The following CCDC169 variants were observed in gnomAD, a reference collection of about 807,000 sequenced individuals.
The protein encoded by CCDC169 is coiled-coil domain-containing protein 169.
CCDC169 carries 30 observed loss-of-function variants against 36.0 expected under a neutral mutation model. The ratio of observed to expected loss-of-function variants is 0.83; its 90% CI spans 0.62 to 1.13. The LOEUF (loss-of-function observed/expected upper bound fraction) is 1.13, where lower values mean the gene tolerates loss of function less well. CCDC169 is among the 50% of genes most tolerant of loss of function. The pLI is 0.00. For missense variants in CCDC169, 245 were observed against 245.9 expected (o/e 1.00, Z 0.03); for synonymous variants, 85 against 81.5 (o/e 1.04, Z -0.23).
chr13:36,243,574 A>G (rs550809567), intron 7 of CCDC169, among the ~76,000 whole-genome samples: 2 of 152,268 alleles, frequency 1.3e-5, no homozygotes, highest in South Asian at 4.1e-4. Flanking sequence ...TGGAAGGCCA[A>G]GGCAGGCGGA....
chr13:36,239,941 T>C (rs1302835880), intron 7 of CCDC169, among the ~76,000 whole-genome samples: 1 of 152,152 alleles, frequency 6.6e-6, no homozygotes, highest in Non-Finnish European at 1.5e-5. Flanking sequence ...TTTATTACAG[T>C]ATGCTGTTAT....
At chr13:36,245,108 T>C (rs946836859) in intron 7 of CCDC169, among the ~76,000 whole-genome samples, 5 of 152,204 alleles carry the variant, frequency 3.3e-5, no homozygotes, top group African/African-American at 1.2e-4. Flanking sequence ...ATAAAAAGGA[T>C]GCTGACTTAT....
chr13:36,286,344 C>T (rs563626664), intron 2 of CCDC169, among the ~76,000 whole-genome samples: 1 of 152,322 alleles, frequency 6.6e-6, no homozygotes, highest in Non-Finnish European at 1.5e-5. Context: ...CAACCACCTT[C>T]TGCCTCTTTT....
At chr13:36,248,973 A>C (rs911115207) in intron 6 of CCDC169, among the ~76,000 whole-genome samples, 1 of 152,226 alleles carries the variant, frequency 6.6e-6, no homozygotes, top group African/African-American at 2.4e-5. Flanking sequence ...AACTTCTTGT[A>C]GTAGACACTA....
chr13:36,236,968 T>C (rs1266060573), intron 7 of CCDC169, among the ~76,000 whole-genome samples: 1 of 126,998 alleles, frequency 7.9e-6, no homozygotes, highest in East Asian at 2.3e-4. Flanking sequence ...CTTTAAATCA[T>C]CTCTAGATTA....
At chr13:36,294,747 G>T (rs549307402) in intron 2 of CCDC169, among the ~76,000 whole-genome samples, 2 of 152,200 alleles carry the variant, frequency 1.3e-5, no homozygotes, top group East Asian at 3.9e-4. Flanking sequence ...GCATGAGAGG[G>T]TTGAGATTGA....
chr13:36,283,377 C>T (rs192575728), intron 4 of CCDC169, 92 bp downstream of exon 4: 4 of 1,209,546 alleles, frequency 3.3e-6, no homozygotes, highest in East Asian at 5.1e-5. Flanking sequence ...GGACCTTGCG[C>T]TAGTCTTCAA....
chr13:36,292,519 A>G (rs1385943344), intron 2 of CCDC169, among the ~76,000 whole-genome samples: 3 of 152,214 alleles, frequency 2.0e-5, no homozygotes, highest in East Asian at 1.9e-4. Context: ...ACAGTTTCCT[A>G]TGAATCCTAA....
intron 4 of CCDC169, among the ~76,000 whole-genome samples, chr13:36,266,445 C>G (rs992691541): frequency 6.6e-6 from 1 of 152,138 alleles, no homozygotes; most frequent in African/African-American, 2.4e-5. Context: ...ATCCAGATGT[C>G]CTGTCAGAGT....
chr13:36,237,272 AT>A (rs1871202994), intron 7 of CCDC169, among the ~76,000 whole-genome samples: 1 of 152,068 alleles, frequency 6.6e-6, no homozygotes, highest in South Asian at 2.1e-4. Flanking sequence ...GGATGGTTAA[AT>A]TTTTTTAAAT....
At chr13:36,251,640 T>C (rs1361751699) in intron 6 of CCDC169, among the ~76,000 whole-genome samples, 1 of 152,222 alleles carries the variant, frequency 6.6e-6, no homozygotes, top group Non-Finnish European at 1.5e-5. Flanking sequence ...TTCTATTTTA[T>C]GTTCAGTTCA....
intron 7 of CCDC169, among the ~76,000 whole-genome samples, chr13:36,241,690 C>A (rs10220240): frequency 9.3e-4 from 142 of 152,164 alleles, no homozygotes; most frequent in African/African-American, 3.1e-3. Context: ...TATGAACATT[C>A]TTGTTCTTTT....
intron 4 of CCDC169, among the ~76,000 whole-genome samples, chr13:36,256,659 A>G (rs1479833081): frequency 6.6e-6 from 1 of 152,140 alleles, no homozygotes; most frequent in Admixed American, 6.6e-5. Context: ...CCTCAAGCAG[A>G]GGTTTTTGAG....
At chr13:36,239,679 T>C (rs1871528347) in intron 7 of CCDC169, among the ~76,000 whole-genome samples, 1 of 152,200 alleles carries the variant, frequency 6.6e-6, no homozygotes, top group Non-Finnish European at 1.5e-5. Context: ...CTCTTCATCT[T>C]ATGGGGGAGA....
At chr13:36,253,724 A>C in intron 6 of CCDC169, 79 bp downstream of exon 6, 1 of 1,493,358 alleles carries the variant, frequency 6.7e-7, no homozygotes, top group Non-Finnish European at 8.9e-7. Context: ...TCCCAAACCA[A>C]AAACAAAACC....
At chr13:36,292,429 G>C (rs1009769664) in intron 2 of CCDC169, among the ~76,000 whole-genome samples, 1 of 151,982 alleles carries the variant, frequency 6.6e-6, no homozygotes, top group Non-Finnish European at 1.5e-5. Context: ...AAAGTCACCT[G>C]AACATTTTCT....
chr13:36,234,808 G>A lies in CCDC169; in HGVS notation c.546-3516C>T, dbSNP rs74045272. ...GAAGGAATTAATCATCAGCAAACCT[G>A]CCCTATAAAAAAATAGTAGAGACTT... On this transcript the variant is annotated intron_variant, in intron 7 of 7. Transcript: ENST00000239859. 3.9e-3 allele frequency among the ~76,000 whole-genome samples: 595 copies of A among 152,096 alleles called. 2 individuals carry two copies. Among genetic ancestry groups the A allele is most frequent in the African/African-American group, 0.014 (571 of 41,528 alleles).
chr13:36,273,852 T>G (rs926008358), intron 4 of CCDC169, among the ~76,000 whole-genome samples: 2 of 152,190 alleles, frequency 1.3e-5, no homozygotes, highest in Admixed American at 6.5e-5. Context: ...TCTTCACTAT[T>G]ATCTTTAAGC....
intron 1 of CCDC169, among the ~76,000 whole-genome samples, chr13:36,296,513 A>G (rs933028860): frequency 6.6e-6 from 1 of 152,262 alleles, no homozygotes; most frequent in Non-Finnish European, 1.5e-5. Context: ...AGGGCAATAC[A>G]TAACAGCTGA....
Sources: gnomAD v4.1 joint callset for allele counts (sites outside exome capture counted in the v4.1 genomes callset) on GRCh38, gnomAD v4.1.1 for gene constraint, MANE v1.5 for transcripts, NCBI Gene and HGNC (gene_info 2026-07-23, HGNC 2026-07-21) for gene names.